Variants in ABCA6 observed in about 807,000 individuals in gnomAD.
The protein encoded by ABCA6 is ATP binding cassette subfamily A member 6.
A neutral mutation model predicts 191.2 loss-of-function variants in ABCA6; 164 were observed. That is an observed-to-expected ratio of 0.86 (90% CI 0.76 to 0.98). ABCA6 has a LOEUF of 0.98. ABCA6 is among the 50% of genes least tolerant of loss of function. ABCA6 has a pLI of 0.00. For missense variants in ABCA6, 1,958 were observed against 1,894.1 expected (o/e 1.03, Z -0.63); for synonymous variants, 636 against 647.7 (o/e 0.98, Z 0.27).
At chr17:69,141,276 C>G (rs2074021420) in intron 1 of ABCA6, among the ~76,000 whole-genome samples, 1 of 151,928 alleles carries the variant, frequency 6.6e-6, no homozygotes, top group South Asian at 2.1e-4. Flanking sequence ...AAATCATAAT[C>G]CAGGCTCAAA....
In ABCA6 at chr17:69,133,632, GTCAC is replaced by G; in HGVS notation, c.791+5_791+8del. 6.5e-7 allele frequency: 1 copy of G among 1,537,354 alleles called. No individual in the cohort carries two copies. Among genetic ancestry groups the G allele is most frequent in the Non-Finnish European group, 8.9e-7 (1 of 1,126,958 alleles). On this transcript the variant is annotated splice_donor_5th_base_variant and intron_variant, in intron 6 of 38. Coordinates refer to ENST00000284425, the MANE Select transcript of ABCA6 (RefSeq NM_080284.3). ...TTATTAATTTGCACTACTTGAATTA[GTCAC>G]TCACCAGAATGCTGAATCTTGGAGA...
rs371602458 is a variant in ABCA6 at position 69,086,706 on chromosome 17, G to T, written c.3849C>A (p.His1283Gln). 2.2e-5 allele frequency: 35 copies of T among 1,611,780 alleles called. No individual in the cohort carries two copies. Among genetic ancestry groups the T allele is most frequent in the Non-Finnish European group, 2.8e-5 (33 of 1,178,948 alleles). The change falls in exon 30 of 39, where the codon CAC becomes CAA. Residue 1283 changes from histidine to glutamine, a missense_variant. His to Gln is a conservative substitution (Grantham distance 24). Coordinates refer to ENST00000284425, the MANE Select transcript of ABCA6 (RefSeq NM_080284.3). ...EKPVIIASCL[H>Q]KEYAGQKKSC... Reference sequence around the variant, plus strand: ...TTTTCTTCTGGCCTGCATATTCTTTGTGTAGACAGCTGGCAATTATAACAG... The same window carrying T: ...TTTTCTTCTGGCCTGCATATTCTTTTTGTAGACAGCTGGCAATTATAACAG...
intron 18 of ABCA6, 139 bp downstream of exon 18, chr17:69,107,557 G>T: frequency 1.6e-6 from 1 of 644,442 alleles, no homozygotes. Context: ...AATAATGACA[G>T]CCCATCTCAA....
intron 2 of ABCA6, among the ~76,000 whole-genome samples, chr17:69,140,019 G>A (rs1016995018): frequency 2.0e-5 from 3 of 151,542 alleles, no homozygotes; most frequent in African/African-American, 7.3e-5. Context: ...AATGGGTGCA[G>A]CACACCAGCA....
chr17:69,112,959 A>T (rs1297405000), intron 15 of ABCA6: 14 of 266,306 alleles, frequency 5.3e-5, no homozygotes, highest in Admixed American at 2.6e-4. Context: ...AATATATATA[A>T]AAAAAGATTT....
Position 69,083,139 on chromosome 17 carries a change from C to CACAA in ABCA6, c.4475+72_4475+73insTTGT. 3 of 1,562,600 alleles carry CACAA rather than the reference C, an allele frequency of 1.9e-6. No individual in the cohort carries two copies. The African/African-American group carries it at 4.1e-5, about 21-fold the overall frequency. Reference sequence around the variant, plus strand: ...GCCAAACGGAAGGGCTCCAGCCACACACAGGGATTTTTGCCCTTTCCATGG... The same window carrying CACAA: ...GCCAAACGGAAGGGCTCCAGCCACACACAAACAGGGATTTTTGCCCTTTCCATGG... On this transcript the variant is annotated intron_variant, in intron 35 of 38. Coordinates refer to ENST00000284425, the MANE Select transcript of ABCA6 (RefSeq NM_080284.3).
intron 9 of ABCA6, among the ~76,000 whole-genome samples, chr17:69,124,321 T>C (rs1372782904): frequency 6.6e-6 from 1 of 151,868 alleles, no homozygotes; most frequent in Non-Finnish European, 1.5e-5. Context: ...AACAAGAAGA[T>C]TGTGCCAGAA....
intron 10 of ABCA6, among the ~76,000 whole-genome samples, chr17:69,120,998 T>G (rs186788862): frequency 1.3e-5 from 2 of 152,178 alleles, no homozygotes; most frequent in Admixed American, 1.3e-4. Context: ...ACATACCCTG[T>G]AAGCTCTATG....
chr17:69,130,281 C>A (rs183461937), intron 6 of ABCA6, among the ~76,000 whole-genome samples: 3 of 151,238 alleles, frequency 2.0e-5, no homozygotes, highest in Non-Finnish European at 4.4e-5. Context: ...CATGCCACTG[C>A]GCTCCAGTCT....
chr17:69,087,381 G>C lies in ABCA6; in HGVS notation c.3791C>G (p.Thr1264Ser). Residue 1264 changes from threonine to serine, a missense_variant, in exon 29 of 39, where the codon ACT becomes AGT. By Grantham distance (58) the Thr-to-Ser change is moderately conservative. Transcript: ENST00000284425. ...ATCTAAGATTGAAGTGGTCAGAGCA[G>C]TGGCTGTTCTTATTCTTTCTGTTTG... ...DIQTERIRTA[T>S]ALTTSILDEK... The C allele has an allele frequency of 1.9e-6, 3 of 1,613,996 alleles. No homozygotes were observed. The South Asian group carries it at 3.3e-5, about 18-fold the overall frequency.
intron 3 of ABCA6, among the ~76,000 whole-genome samples, 184 bp downstream of exon 3, chr17:69,137,112 T>C (rs1370520776): frequency 1.3e-5 from 2 of 152,216 alleles, no homozygotes; most frequent in Non-Finnish European, 2.9e-5. Flanking sequence ...CCCAACAAGC[T>C]GAAAATATTT....
At position 69,141,751 on chromosome 17, in the gene ABCA6, G is replaced by A. The variant is rs1867529139; in HGVS notation, c.-52C>T. 1 of 152,018 alleles carries A rather than the reference G, an allele frequency of 6.6e-6. No homozygotes were observed. Among genetic ancestry groups the A allele is most frequent in the South Asian group, 2.1e-4 (1 of 4,828 alleles). 9.4% of individuals were successfully genotyped at this position (152,018 alleles called of 1,614,324 possible). On this transcript the variant is annotated 5_prime_UTR_variant, in exon 1 of 39. Coordinates refer to ENST00000284425, the MANE Select transcript of ABCA6 (RefSeq NM_080284.3). ...AAAATAGAGCTTTACTTACTGTCAGGAAAATAATAAAAAGCACTCTAGAAA... is the reference window on the plus strand; with the variant it reads ...AAAATAGAGCTTTACTTACTGTCAGAAAAATAATAAAAAGCACTCTAGAAA...
intron 2 of ABCA6, among the ~76,000 whole-genome samples, chr17:69,140,164 G>T (rs1235352108): frequency 6.6e-6 from 1 of 152,094 alleles, no homozygotes; most frequent in Non-Finnish European, 1.5e-5. Context: ...ATTTGGGCTA[G>T]TCATCTGTGA....
chr17:69,096,780 A>G lies in ABCA6; in HGVS notation c.3142T>C (p.Trp1048Arg). 2 of 1,537,132 alleles carry G rather than the reference A, an allele frequency of 1.3e-6. No individual in the cohort carries two copies. The highest frequency in any genetic ancestry group is 1.3e-5 in the South Asian group (1 of 75,098). Residue 1048 changes from tryptophan to arginine, a missense_variant, in exon 24 of 39, where the codon TGG becomes CGG. Coordinates refer to ENST00000284425, the MANE Select transcript of ABCA6 (RefSeq NM_080284.3). Reference protein sequence around the residue: ...DYKKNAKSQLWISGLYTSAYW... With the variant: ...DYKKNAKSQLRISGLYTSAYW... ...GCAGAAGTGTAGAGGCCTGAAATCC[A>G]TAGCTGGGACTTAGCATTTTTCTGA...
At chr17:69,085,778 G>A in intron 30 of ABCA6, 62 bp from the exon 31 acceptor site, 1 of 1,185,742 alleles carries the variant, frequency 8.4e-7, no homozygotes, top group Non-Finnish European at 1.2e-6. Context: ...TAAACCTTTT[G>A]CTCCAGTGAA....
At chr17:69,106,239 CATATT>C in intron 18 of ABCA6, 28 bp from the exon 19 acceptor site, 5 of 1,579,922 alleles carry the variant, frequency 3.2e-6, no homozygotes, top group Non-Finnish European at 4.3e-6. Context: ...CACAAACACA[CATATT>C]ATAATATTAA....
At chr17:69,115,800 T>C in intron 11 of ABCA6, 1 of 171,164 alleles carries the variant, frequency 5.8e-6, no homozygotes, top group Non-Finnish European at 1.2e-5. Flanking sequence ...ATTAGAAAGA[T>C]GGTTTATTTA....
intron 11 of ABCA6, 67 bp downstream of exon 11, chr17:69,117,830 TG>T: frequency 8.3e-7 from 1 of 1,207,676 alleles, no homozygotes; most frequent in Non-Finnish European, 1.2e-6. Flanking sequence ...TTTTTCACAT[TG>T]AATGTTTCCC....
intron 9 of ABCA6, among the ~76,000 whole-genome samples, chr17:69,124,238 T>C (rs2073706349): frequency 6.6e-6 from 1 of 151,942 alleles, no homozygotes; most frequent in Non-Finnish European, 1.5e-5. Context: ...GACAGGAATA[T>C]ATACAAGTAA....
Sources: gnomAD v4.1 joint callset for allele counts (sites outside exome capture counted in the v4.1 genomes callset) on GRCh38, gnomAD v4.1.1 for gene constraint, MANE v1.5 for transcripts, NCBI Gene and HGNC (gene_info 2026-07-23, HGNC 2026-07-21) for gene names.